The following TJP1 variants were observed in gnomAD, a reference collection of about 807,000 sequenced individuals.
The protein encoded by TJP1 is tight junction protein ZO-1.
TJP1 carries 43 observed loss-of-function variants against 194.2 expected under a neutral mutation model. The ratio of observed to expected loss-of-function variants is 0.22; its 90% CI spans 0.17 to 0.29. TJP1 has a LOEUF of 0.29. Ranked by LOEUF, TJP1 falls within the 10% of genes least tolerant of loss-of-function variation. The probability of loss-of-function intolerance (pLI) is 1.00; values close to 1 mark genes in which losing one functional copy is unlikely to be tolerated. For missense variants in TJP1, 1,971 were observed against 2,185.7 expected (o/e 0.90, Z 1.96); for synonymous variants, 801 against 779.0 (o/e 1.03, Z -0.47).
At chr15:29,726,274 C>A (rs545568892) in intron 18 of TJP1, 105 bp downstream of exon 18, 39 of 959,582 alleles carry the variant, frequency 4.1e-5, no homozygotes, top group Admixed American at 1.5e-4. Context: ...CCCCAAATTT[C>A]TCCAATATGT....
chr15:29,763,935 G>A (rs2046170788), intron 5 of TJP1, among the ~76,000 whole-genome samples: 1 of 152,024 alleles, frequency 6.6e-6, no homozygotes, highest in Non-Finnish European at 1.5e-5. Context: ...AGAAGGATAG[G>A]GTATTGGTTA....
intron 1 of TJP1, among the ~76,000 whole-genome samples, chr15:29,809,420 A>T (rs2049332383): frequency 1.3e-5 from 2 of 152,206 alleles, no homozygotes; most frequent in Non-Finnish European, 2.9e-5. Flanking sequence ...CTGTTTCTCA[A>T]CCAATAAAGC....
chr15:29,730,899 G>A (rs1292640385), intron 15 of TJP1: 10 of 1,223,294 alleles, frequency 8.2e-6, no homozygotes, highest in African/African-American at 1.5e-5. Context: ...AGCTGATGCT[G>A]GCAAGGAGGG....
chr15:29,791,455 C>T (rs1446213172), intron 2 of TJP1, among the ~76,000 whole-genome samples: 1 of 114,412 alleles, frequency 8.7e-6, no homozygotes, highest in Non-Finnish European at 1.6e-5. Context: ...GAGTCTGGCA[C>T]TGTTGCCCAG....
At chr15:29,835,690 T>C (rs1406095524) in intron 2 of TJP1, among the ~76,000 whole-genome samples, 3 of 151,850 alleles carry the variant, frequency 2.0e-5, no homozygotes, top group African/African-American at 7.3e-5. Context: ...TACTCTAACA[T>C]GTAGAATCAG....
At chr15:29,808,055 G>A (rs45586632) in intron 1 of TJP1, among the ~76,000 whole-genome samples, 3,455 of 152,140 alleles carry the variant, frequency 0.023, 41 homozygotes, top group Middle Eastern at 0.044. Context: ...ATCATTTGAG[G>A]CCAGATGTTC....
chr15:29,904,448 A>G (rs2053738960), intron 2 of TJP1, among the ~76,000 whole-genome samples: 1 of 152,178 alleles, frequency 6.6e-6, no homozygotes, highest in African/African-American at 2.4e-5. Context: ...AGAGGAAGAG[A>G]AAGTCAAATC....
chr15:29,968,321 C>G, intron 1 of TJP1: 2 of 984,604 alleles, frequency 2.0e-6, no homozygotes, highest in Non-Finnish European at 2.4e-6. Context: ...AATTCTGAGC[C>G]AGAACCCGCC....
intron 2 of TJP1, among the ~76,000 whole-genome samples, chr15:29,919,355 G>A (rs2054284503): frequency 6.6e-6 from 1 of 152,098 alleles, no homozygotes; most frequent in African/African-American, 2.4e-5. Context: ...TCACACTATG[G>A]GTCTGTAGCT....
At chr15:29,834,804 G>A (rs997901397) in intron 2 of TJP1, among the ~76,000 whole-genome samples, 42 of 152,146 alleles carry the variant, frequency 2.8e-4, no homozygotes, top group African/African-American at 8.9e-4. Flanking sequence ...GGGATTCTGC[G>A]CTTTGGGGAG....
chr15:29,700,063 G>T, downstream of TJP1: 1 of 382,322 alleles, frequency 2.6e-6, no homozygotes, highest in Non-Finnish European at 4.6e-6. Context: ...GTGACGCTGG[G>T]TGATAGGGAT....
chr15:29,943,615 T>C (rs2055164987), intron 2 of TJP1, among the ~76,000 whole-genome samples: 1 of 105,694 alleles, frequency 9.5e-6, no homozygotes, highest in African/African-American at 3.9e-5. Context: ...CTGACAACAG[T>C]GAGACTCCAT....
rs1045642036 is a variant in TJP1, at chr15:29,718,216, G to A, written c.3876+50C>T. ...TAATGGCGGAGGGGAGAGCCAAGAA[G>A]CCTTTTAAACGGTGTGCCCATGCAT... On this transcript the variant is annotated intron_variant, in intron 21 of 27. Transcript: ENST00000614355. The A allele has an allele frequency of 1.9e-6, 3 of 1,594,722 alleles. No homozygotes were observed. In the African/African-American group the frequency reaches 4.1e-5, roughly 22 times the overall value.
chr15:29,823,032 G>T, upstream of TJP1: 1 of 152,646 alleles, frequency 6.6e-6, no homozygotes, highest in Non-Finnish European at 1.5e-5. Context: ...GCTGAAACTG[G>T]TGATGAGGTC....
chr15:29,958,057 A>C (rs958189017), intron 1 of TJP1, among the ~76,000 whole-genome samples: 40 of 152,182 alleles, frequency 2.6e-4, no homozygotes, highest in Non-Finnish European at 4.4e-5. Context: ...TATGTCTTTT[A>C]GTTTTTGCTT....
chr15:29,786,457 T>C lies in TJP1; in HGVS notation c.85-13100A>G, dbSNP rs555732762. On this transcript the variant is annotated intron_variant, in intron 2 of 27. Coordinates refer to ENST00000614355, the MANE Select transcript of TJP1 (RefSeq NM_001330239.4). Reference sequence around the variant, plus strand: ...TGTATAGAGAGACCTTTGTTTAGTTTATGTGAATTACATGAGTTCTTAATT... The same window carrying C: ...TGTATAGAGAGACCTTTGTTTAGTTCATGTGAATTACATGAGTTCTTAATT... 1.1e-4 allele frequency among the ~76,000 whole-genome samples: 17 copies of C among 152,352 alleles called. No homozygotes were observed. In the South Asian group the frequency reaches 3.5e-3, roughly 32 times the overall value.
In TJP1 at chr15:29,799,367, TTTAATAATGAAACA is replaced by T. The variant is rs2048625803; in HGVS notation, c.84+1265_84+1278del. Among the ~76,000 whole-genome samples the T allele has an allele frequency of 2.6e-5, 4 of 152,216 alleles. No individual in the cohort carries two copies. The South Asian group carries it at 6.2e-4, about 24-fold the overall frequency. On this transcript the variant is annotated intron_variant, in intron 2 of 27. Coordinates refer to ENST00000614355, the MANE Select transcript of TJP1 (RefSeq NM_001330239.4). ...TATTAGATAATGATTTCCTTCACCA[TTTAATAATGAAACA>T]TTAAAAAGTTGACTATATCTTATCA...
chr15:29,869,434 C>T (rs901012078), intron 2 of TJP1, among the ~76,000 whole-genome samples: 4 of 152,208 alleles, frequency 2.6e-5, no homozygotes, highest in Non-Finnish European at 5.9e-5. Context: ...CGTGACATCT[C>T]TGGGAGATTT....
chr15:29,823,258 C>CAA (rs1567106577), upstream of TJP1: 1 of 152,192 alleles, frequency 6.6e-6, no homozygotes, highest in Non-Finnish European at 1.5e-5. Flanking sequence ...CCCTCCAACT[C>CAA]AAAGTTGGGC....
Sources: allele counts gnomAD v4.1 joint callset (sites outside exome capture counted in the v4.1 genomes callset), GRCh38; gene constraint gnomAD v4.1.1; transcripts MANE v1.5; gene names NCBI Gene and HGNC (gene_info 2026-07-23, HGNC 2026-07-21).